Variants in HS3ST4 observed in about 807,000 individuals in gnomAD.
The protein encoded by HS3ST4 is heparan sulfate-glucosamine 3-sulfotransferase 4.
HS3ST4 carries 17 observed loss-of-function variants against 29.2 expected under a neutral mutation model. That is an observed-to-expected ratio of 0.58 (90% CI 0.40 to 0.87). The LOEUF is 0.87. HS3ST4 is among the 40% of genes least tolerant of loss of function. The pLI, the probability that HS3ST4 is intolerant of heterozygous loss-of-function variation, is 0.00. For missense variants in HS3ST4, 627 were observed against 634.5 expected (o/e 0.99, Z 0.13); for synonymous variants, 314 against 285.7 (o/e 1.10, Z -1.00).
At chr16:25,869,856 C>A (rs1967731392) in intron 1 of HS3ST4, among the ~76,000 whole-genome samples, 1 of 152,156 alleles carries the variant, frequency 6.6e-6, no homozygotes, top group African/African-American at 2.4e-5. Context: ...ACCTCTGTTG[C>A]TATCCTACTA....
chr16:26,094,700 C>T (rs761167023), intron 1 of HS3ST4, among the ~76,000 whole-genome samples: 9 of 152,118 alleles, frequency 5.9e-5, no homozygotes, highest in Non-Finnish European at 4.4e-5. Flanking sequence ...GAAGAAACTG[C>T]CTAAATTAAT....
chr16:26,001,396 A>T (rs1315390559), intron 1 of HS3ST4, among the ~76,000 whole-genome samples: 1 of 152,216 alleles, frequency 6.6e-6, no homozygotes, highest in Non-Finnish European at 1.5e-5. Flanking sequence ...TGCTAATAAT[A>T]GGTAAATCTA....
At chr16:25,730,403 C>A (rs1178836016) in intron 1 of HS3ST4, among the ~76,000 whole-genome samples, 1 of 143,948 alleles carries the variant, frequency 6.9e-6, no homozygotes, top group Non-Finnish European at 1.5e-5. Flanking sequence ...GTCCTTCTCT[C>A]CCTCTCTCCC....
chr16:25,957,821 T>A (rs538796181), intron 1 of HS3ST4, among the ~76,000 whole-genome samples: 11 of 152,222 alleles, frequency 7.2e-5, no homozygotes, highest in Non-Finnish European at 1.3e-4. Context: ...GGGAGCCTGC[T>A]CTGAATTCTT....
At position 26,115,779 on chromosome 16, in the gene HS3ST4, C is replaced by T. The variant is rs529881128; in HGVS notation, c.735-19833C>T. On this transcript the variant is annotated intron_variant, in intron 1 of 1. Transcript: ENST00000331351. ...ACTTGGCAGAGTAAGTCCAAGCAGA[C>T]GATGAGCACCAAGATCATCTGGGGC... 7.5e-4 allele frequency among the ~76,000 whole-genome samples: 114 copies of T among 152,130 alleles called. 2 individuals are homozygous for T. The highest frequency in any genetic ancestry group is 5.9e-4 in the Non-Finnish European group (40 of 68,004).
chr16:25,975,819 A>G (rs1444743193), intron 1 of HS3ST4, among the ~76,000 whole-genome samples: 1 of 152,142 alleles, frequency 6.6e-6, no homozygotes, highest in Non-Finnish European at 1.5e-5. Context: ...TATTCTTCAA[A>G]AGTGTGATTC....
At chr16:25,793,057 A>AT (rs1163796459) in intron 1 of HS3ST4, among the ~76,000 whole-genome samples, 1 of 151,794 alleles carries the variant, frequency 6.6e-6, no homozygotes, top group East Asian at 1.9e-4. Context: ...CTTTCCAAAC[A>AT]TTTTGGATAT....
intron 1 of HS3ST4, among the ~76,000 whole-genome samples, chr16:25,945,800 C>G (rs1193421591): frequency 1.3e-5 from 2 of 152,184 alleles, no homozygotes; most frequent in African/African-American, 4.8e-5. Flanking sequence ...TGTGTAACAA[C>G]CCACCTTTCC....
At chr16:25,809,629 G>A (rs2141627759) in intron 1 of HS3ST4, among the ~76,000 whole-genome samples, 1 of 152,212 alleles carries the variant, frequency 6.6e-6, no homozygotes, top group Non-Finnish European at 1.5e-5. Context: ...GAAACCATCT[G>A]GGTCTGAAGA....
chr16:26,083,098 T>C (rs1898743539), intron 1 of HS3ST4, among the ~76,000 whole-genome samples: 1 of 152,232 alleles, frequency 6.6e-6, no homozygotes, highest in African/African-American at 2.4e-5. Context: ...CTCTCCCTCG[T>C]CTGCTTCTGT....
intron 1 of HS3ST4, among the ~76,000 whole-genome samples, chr16:26,116,178 G>A (rs1312459983): frequency 6.6e-6 from 1 of 152,196 alleles, no homozygotes; most frequent in Non-Finnish European, 1.5e-5. Context: ...AAGGACCTCT[G>A]CTTCTTTCTG....
intron 1 of HS3ST4, among the ~76,000 whole-genome samples, chr16:25,904,139 GATGGATGGATGGATGAATGGATGA>G (rs1240549767): frequency 3.4e-4 from 39 of 113,388 alleles, no homozygotes; most frequent in African/African-American, 1.6e-3. Flanking sequence ...TGGATGGATG[GATGGATGGATGGATGAATGGATGA>G]ATGGATGGAT....
chr16:25,885,451 C>T (rs879938878), intron 1 of HS3ST4, among the ~76,000 whole-genome samples: 6 of 152,244 alleles, frequency 3.9e-5, no homozygotes, highest in Non-Finnish European at 7.4e-5. Context: ...GCCAGTTTGT[C>T]GAGTTCTGCA....
chr16:25,888,889 CATCCATTAA>C (rs1162181958), intron 1 of HS3ST4, among the ~76,000 whole-genome samples: 1 of 152,310 alleles, frequency 6.6e-6, no homozygotes, highest in Non-Finnish European at 1.5e-5. Context: ...GAAATTAGCA[CATCCATTAA>C]ATCAGCTTCC....
At chr16:25,708,315 A>G (rs1484002459) in intron 1 of HS3ST4, among the ~76,000 whole-genome samples, 4 of 152,226 alleles carry the variant, frequency 2.6e-5, no homozygotes, top group African/African-American at 9.6e-5. Flanking sequence ...AAGAGGCTTT[A>G]TAAAATATTC....
chr16:25,818,661 C>A lies in HS3ST4; in HGVS notation c.734+125510C>A, dbSNP rs145305621. Among the ~76,000 whole-genome samples the A allele has an allele frequency of 6.5e-3, 991 of 151,864 alleles. 15 individuals are homozygous for A. The highest frequency in any genetic ancestry group is 0.022 in the African/African-American group (915 of 41,386). On this transcript the variant is annotated intron_variant, in intron 1 of 1. Transcript: ENST00000331351. ...GGAAAAAACATTGCTTCTCTGAAGG[C>A]CTTTGATAAAAAATTAGGAAAGTTA...
chr16:26,008,073 C>T (rs1969274338), intron 1 of HS3ST4, among the ~76,000 whole-genome samples: 2 of 152,144 alleles, frequency 1.3e-5, no homozygotes, highest in African/African-American at 4.8e-5. Context: ...GATCCAGAAA[C>T]CAAACAGACA....
In HS3ST4 at chr16:25,704,101, C is replaced by T. The variant is rs563462220; in HGVS notation, c.734+10950C>T. On this transcript the variant is annotated intron_variant, in intron 1 of 1. Transcript: ENST00000331351. Reference sequence around the variant, plus strand: ...CAATGCATGGTGATTTATTAATCACCAATGATAAATCAGTGAATTCATGAA... The same window carrying T: ...CAATGCATGGTGATTTATTAATCACTAATGATAAATCAGTGAATTCATGAA... Among the ~76,000 whole-genome samples, 10 of 152,172 alleles carry T rather than the reference C, an allele frequency of 6.6e-5. No homozygotes were observed. The East Asian group carries it at 1.2e-3, about 18-fold the overall frequency.
chr16:25,910,367 A>T (rs1351113649), intron 1 of HS3ST4, among the ~76,000 whole-genome samples: 2 of 152,164 alleles, frequency 1.3e-5, no homozygotes, highest in Non-Finnish European at 2.9e-5. Flanking sequence ...TCAGCCGGGC[A>T]CGGTAGCTGA....
Sources: allele counts gnomAD v4.1 joint callset (sites outside exome capture counted in the v4.1 genomes callset), GRCh38; gene constraint gnomAD v4.1.1; transcripts MANE v1.5; gene names NCBI Gene and HGNC (gene_info 2026-07-23, HGNC 2026-07-21).